XPR1: variants seen among roughly 807,000 people sequenced by gnomAD.
XPR1 encodes the protein xenotropic and polytropic retrovirus receptor 1.
XPR1 carries 28 observed loss-of-function variants against 87.5 expected under a neutral mutation model. That is an observed-to-expected ratio of 0.32 (90% CI 0.24 to 0.44). The LOEUF is 0.44. Among genes scored for constraint, XPR1 ranks in the 20% least tolerant of loss-of-function variants. The pLI, the probability that XPR1 is intolerant of heterozygous loss-of-function variation, is 1.00. For missense variants in XPR1, 559 were observed against 862.3 expected, an observed-to-expected ratio of 0.65 and a Z score of 4.41; for synonymous variants, 300 against 306.1, an observed-to-expected ratio of 0.98 and a Z score of 0.21.
intron 12 of XPR1, 55 bp from the exon 13 acceptor site, chr1:180,873,748 C>T (rs1652576692): frequency 1.3e-6 from 2 of 1,583,360 alleles, no homozygotes; most frequent in East Asian, 4.5e-5. Flanking sequence ...CATTGGTATG[C>T]CTATTTATGA....
intron 10 of XPR1, among the ~76,000 whole-genome samples, chr1:180,836,264 GAGAGAAT>G (rs1348483378): frequency 1.3e-5 from 2 of 151,936 alleles, no homozygotes; most frequent in African/African-American, 4.8e-5. Context: ...AGGCTGAGAT[GAGAGAAT>G]CCCTGGAACC....
intron 2 of XPR1, among the ~76,000 whole-genome samples, chr1:180,704,449 A>C (rs966804093): frequency 3.3e-5 from 5 of 151,230 alleles, no homozygotes; most frequent in Non-Finnish European, 5.9e-5. Flanking sequence ...TTACATACAG[A>C]TTGTATAGGA....
rs565977552 is a variant in XPR1, at chr1:180,830,072, G to T, written c.1134+4728G>T. On this transcript the variant is annotated intron_variant, in intron 9 of 14. Transcript: ENST00000367590. The stretch of plus-strand genomic sequence containing the variant: ...GATTAGAGATGGATTTAGACTTCCT[G>T]ATCTTTTGGTGTTATATCCTAAATT... 1.2e-4 allele frequency among the ~76,000 whole-genome samples: 19 copies of T among 152,146 alleles called. No homozygotes were observed. In the South Asian group the frequency reaches 3.7e-3, roughly 30 times the overall value.
chr1:180,802,518 C>T (rs1649825219), intron 3 of XPR1, among the ~76,000 whole-genome samples: 2 of 152,072 alleles, frequency 1.3e-5, no homozygotes, highest in Non-Finnish European at 2.9e-5. Flanking sequence ...TTCTTAATGG[C>T]GTTTTTAAAT....
intron 7 of XPR1, among the ~76,000 whole-genome samples, chr1:180,819,988 C>G (rs910132989): frequency 1.3e-5 from 2 of 151,578 alleles, no homozygotes; most frequent in South Asian, 2.1e-4. Context: ...CCATTGCACT[C>G]CAGCCTGGGC....
At chr1:180,632,567 C>T (rs1261093992) in intron 1 of XPR1, among the ~76,000 whole-genome samples, 1 of 152,214 alleles carries the variant, frequency 6.6e-6, no homozygotes, top group Non-Finnish European at 1.5e-5. Context: ...GGGTGAGCTG[C>T]AGGTGGGGGA....
At position 180,803,495 on chromosome 1, in the gene XPR1, A is replaced by C; in HGVS notation, c.331A>C (p.Arg111=). 6.2e-7 allele frequency: 1 copy of C among 1,614,026 alleles called. No individual in the cohort carries two copies. Among genetic ancestry groups the C allele is most frequent in the Non-Finnish European group, 8.5e-7 (1 of 1,179,994 alleles). The part of the protein sequence containing the change: ...STGVTTLRQR[R]KPVFHLSHEE... ...TGGTGTTACTACGCTGCGACAACGC[A>C]GAAAGCCAGTCTTCCACTTGTCCCA... The change falls in exon 4 of 15, where the codon AGA becomes CGA. Residue 111 remains arginine (R), a synonymous_variant. Transcript: ENST00000367590.
intron 2 of XPR1, among the ~76,000 whole-genome samples, chr1:180,764,690 A>T (rs538268101): frequency 7.4e-4 from 112 of 151,770 alleles, no homozygotes; most frequent in African/African-American, 2.2e-3. Flanking sequence ...GGCTGGTCTT[A>T]AACTCCTGAG....
chr1:180,720,392 G>T (rs1339988622), intron 2 of XPR1, among the ~76,000 whole-genome samples: 2 of 151,986 alleles, frequency 1.3e-5, no homozygotes, highest in Non-Finnish European at 2.9e-5. Context: ...TGCTTTTTTG[G>T]TAGAGATACA....
intron 2 of XPR1, among the ~76,000 whole-genome samples, chr1:180,780,024 A>T (rs961197626): frequency 6.6e-6 from 1 of 152,164 alleles, no homozygotes; most frequent in Non-Finnish European, 1.5e-5. Flanking sequence ...CTGTGGCTGA[A>T]TTATATTCAA....
intron 2 of XPR1, among the ~76,000 whole-genome samples, chr1:180,753,121 A>G (rs1040592903): frequency 2.6e-5 from 4 of 152,230 alleles, no homozygotes; most frequent in Admixed American, 2.0e-4. Context: ...CTTTGAGCCA[A>G]CTTTGCTTAC....
intron 2 of XPR1, among the ~76,000 whole-genome samples, chr1:180,754,687 C>T (rs1647662634): frequency 6.6e-6 from 1 of 152,068 alleles, no homozygotes; most frequent in Non-Finnish European, 1.5e-5. Flanking sequence ...GTCTTGAGCT[C>T]CTGGGCTCAA....
intron 7 of XPR1, among the ~76,000 whole-genome samples, chr1:180,817,908 A>G (rs540229608): frequency 5.3e-5 from 8 of 151,952 alleles, no homozygotes; most frequent in Admixed American, 2.0e-4. Flanking sequence ...CCATTTTTCT[A>G]TATGTATGTA....
At chr1:180,762,623 C>T (rs542236541) in intron 2 of XPR1, among the ~76,000 whole-genome samples, 162 of 152,254 alleles carry the variant, frequency 1.1e-3, no homozygotes, top group African/African-American at 3.7e-3. Flanking sequence ...GGTGAATGAG[C>T]ATCTGCTGAT....
intron 1 of XPR1, among the ~76,000 whole-genome samples, chr1:180,650,100 A>G (rs1362091552): frequency 6.6e-6 from 1 of 151,656 alleles, no homozygotes; most frequent in East Asian, 1.9e-4. Flanking sequence ...TCACCTTCCC[A>G]TTATTTTTAT....
At chr1:180,760,718 A>G in intron 2 of XPR1, among the ~76,000 whole-genome samples, 1 of 152,276 alleles carries the variant, frequency 6.6e-6, no homozygotes, top group Non-Finnish European at 1.5e-5. Flanking sequence ...CAATCCCATC[A>G]CCATCAAGCT....
At chr1:180,813,366 A>G (rs61811204) in intron 7 of XPR1, among the ~76,000 whole-genome samples, 8,141 of 152,256 alleles carry the variant, frequency 0.053, 313 homozygotes, top group Non-Finnish European at 0.079. Flanking sequence ...CATTCTTAGT[A>G]AAGCGTTCCC....
chr1:180,744,868 G>A (rs1019746562), intron 2 of XPR1, among the ~76,000 whole-genome samples: 11 of 151,722 alleles, frequency 7.3e-5, no homozygotes, highest in Admixed American at 4.6e-4. Context: ...AGCCAGGATG[G>A]TCTCGATCTC....
chr1:180,671,750 T>TA (rs1656186605), intron 1 of XPR1, among the ~76,000 whole-genome samples: 1 of 152,158 alleles, frequency 6.6e-6, no homozygotes, highest in African/African-American at 2.4e-5. Context: ...CCTGACCTTG[T>TA]GATCTGCCTG....
Sources: gnomAD v4.1 joint callset for allele counts (sites outside exome capture counted in the v4.1 genomes callset) on GRCh38, gnomAD v4.1.1 for gene constraint, MANE v1.5 for transcripts, NCBI Gene and HGNC (gene_info 2026-07-23, HGNC 2026-07-21) for gene names.